Variants in HECW1 observed in about 807,000 individuals in gnomAD.
The protein encoded by HECW1 is E3 ubiquitin-protein ligase HECW1.
HECW1 carries 61 observed loss-of-function variants against 182.3 expected under a neutral mutation model. That is an observed-to-expected ratio of 0.33 (90% CI 0.27 to 0.41). The LOEUF is 0.41. HECW1 is among the 10% of genes least tolerant of loss of function. The probability of loss-of-function intolerance (pLI) is 1.00; values close to 1 mark genes in which losing one functional copy is unlikely to be tolerated. For missense variants in HECW1, 1,739 were observed against 2,108.9 expected, an observed-to-expected ratio of 0.82 and a Z score of 3.44; for synonymous variants, 859 against 832.6, an observed-to-expected ratio of 1.03 and a Z score of -0.55.
intron 2 of HECW1, among the ~76,000 whole-genome samples, chr7:43,188,910 A>T (rs1218182172): frequency 6.6e-6 from 1 of 152,214 alleles, no homozygotes; most frequent in East Asian, 1.9e-4. Context: ...AATATCAATT[A>T]CAATTATAGG....
At chr7:43,521,877 A>C (rs1277881175) in intron 24 of HECW1, among the ~76,000 whole-genome samples, 2 of 152,252 alleles carry the variant, frequency 1.3e-5, no homozygotes, top group Non-Finnish European at 2.9e-5. Context: ...CATCTCAAAA[A>C]TAAACAACAA....
chr7:43,540,215 AT>A (rs1429606315), intron 24 of HECW1, among the ~76,000 whole-genome samples: 3 of 152,244 alleles, frequency 2.0e-5, no homozygotes, highest in African/African-American at 7.2e-5. Context: ...CATAAAAGGC[AT>A]TGGAGATAGA....
intron 2 of HECW1, among the ~76,000 whole-genome samples, chr7:43,225,677 T>G (rs142536404): frequency 3.9e-5 from 6 of 152,340 alleles, no homozygotes; most frequent in Non-Finnish European, 7.3e-5. Context: ...ATGAAACTAT[T>G]CATGCTACCA....
intron 24 of HECW1, among the ~76,000 whole-genome samples, chr7:43,529,618 T>C (rs528737249): frequency 6.6e-6 from 1 of 152,270 alleles, no homozygotes; most frequent in East Asian, 1.9e-4. Flanking sequence ...ATGGAAACAC[T>C]GAGGTGACCA....
At chr7:43,275,409 A>G (rs558581007) in intron 3 of HECW1, among the ~76,000 whole-genome samples, 14 of 152,312 alleles carry the variant, frequency 9.2e-5, no homozygotes, top group African/African-American at 3.4e-4. Context: ...CTAATATAAT[A>G]ATAGTGCTTA....
At chr7:43,173,035 G>C (rs1029121799) in intron 2 of HECW1, among the ~76,000 whole-genome samples, 1 of 152,124 alleles carries the variant, frequency 6.6e-6, no homozygotes, top group Admixed American at 6.5e-5. Flanking sequence ...AGAAGCCTCC[G>C]CGTTCAGACA....
chr7:43,438,671 A>G (rs1204803701), intron 9 of HECW1: 1 of 152,278 alleles, frequency 6.6e-6, no homozygotes, highest in African/African-American at 2.4e-5. Context: ...AGATGCTCAC[A>G]GAATTCAATT....
chr7:43,122,906 C>T (rs532394919), intron 2 of HECW1, among the ~76,000 whole-genome samples: 8 of 152,140 alleles, frequency 5.3e-5, no homozygotes, highest in South Asian at 2.1e-4. Flanking sequence ...AATCATTTTC[C>T]GTTGCTTATT....
Position 43,432,455 on chromosome 7 carries a change from A to G in HECW1, c.802-5548A>G, listed in dbSNP as rs990322298. On this transcript the variant is annotated intron_variant, in intron 8 of 29. Coordinates refer to ENST00000395891, the MANE Select transcript of HECW1 (RefSeq NM_015052.5). This position sits in a 1 kb window ranked among gnomAD's most constrained non-coding sequence, Gnocchi z 4.1. ...CGCCCGGCCCAGTTGTTTATTTTTT[A>G]AGACTCAGTTAAAGCATTATGTTCT... is the stretch of plus-strand genomic sequence containing the variant. Among the ~76,000 whole-genome samples the G allele has an allele frequency of 3.9e-5, 6 of 152,298 alleles. No homozygotes were observed. Among genetic ancestry groups the G allele is most frequent in the African/African-American group, 1.4e-4 (6 of 41,576 alleles).
At chr7:43,458,253 G>A (rs749388726) in intron 13 of HECW1, among the ~76,000 whole-genome samples, 1 of 152,200 alleles carries the variant, frequency 6.6e-6, no homozygotes, top group Non-Finnish European at 1.5e-5. Context: ...GAGAAACAGG[G>A]GAGGGTATCG....
chr7:43,416,144 C>A (rs2075986739), intron 8 of HECW1, among the ~76,000 whole-genome samples: 2 of 150,756 alleles, frequency 1.3e-5, no homozygotes, highest in African/African-American at 4.9e-5. Context: ...TCTGTTTTTT[C>A]CCGATCTTTG....
At chr7:43,156,114 G>T (rs1789853207) in intron 2 of HECW1, among the ~76,000 whole-genome samples, 1 of 152,148 alleles carries the variant, frequency 6.6e-6, no homozygotes, top group Non-Finnish European at 1.5e-5. Flanking sequence ...TCAATAATTG[G>T]AAGTTTTTTA....
At chr7:43,365,235 G>C (rs1462577574) in intron 6 of HECW1, among the ~76,000 whole-genome samples, 1 of 152,260 alleles carries the variant, frequency 6.6e-6, no homozygotes, top group East Asian at 1.9e-4. Context: ...AGGTAAGTGA[G>C]AGTCTTTCAA....
chr7:43,121,921 A>G (rs1477255367), intron 2 of HECW1: 1 of 152,178 alleles, frequency 6.6e-6, no homozygotes, highest in East Asian at 1.9e-4. Flanking sequence ...CGAATGTGAA[A>G]TGAGCTCAAG....
In HECW1 at chr7:43,114,286, G is replaced by A; in HGVS notation, c.-137G>A. 2 of 1,363,964 alleles carry A rather than the reference G, an allele frequency of 1.5e-6. No homozygotes were observed. 84.5% of individuals were successfully genotyped at this position (1,363,964 alleles called of 1,614,324 possible). ...GAGGGCAGATGCCCTACCCGAAAAG[G>A]CCAACCGTTAAAGACCCCGGCAGTG... is the stretch of plus-strand genomic sequence containing the variant. On this transcript the variant is annotated 5_prime_UTR_variant, in exon 2 of 30. Transcript: ENST00000395891.
chr7:43,489,415 T>G (rs1473406073), intron 17 of HECW1, among the ~76,000 whole-genome samples: 2 of 152,254 alleles, frequency 1.3e-5, no homozygotes, highest in Non-Finnish European at 2.9e-5. Context: ...GATTCAATAC[T>G]GCATAGTTTA....
intron 19 of HECW1, among the ~76,000 whole-genome samples, chr7:43,498,008 G>A (rs557052276): frequency 1.2e-4 from 19 of 152,282 alleles, no homozygotes; most frequent in African/African-American, 4.3e-4. Flanking sequence ...GAGTTCTCCC[G>A]ATGGTCAAGG....
chr7:43,270,138 C>T (rs1329472952), intron 3 of HECW1, among the ~76,000 whole-genome samples: 1 of 152,078 alleles, frequency 6.6e-6, no homozygotes, highest in East Asian at 1.9e-4. Context: ...TAATAATAAA[C>T]CATAACAAAT....
In HECW1 at chr7:43,542,017, T is replaced by C. The variant is rs192150470; in HGVS notation, c.4248+19T>C. ...TGGACAGGTTTGTGTGACATGGGGT[T>C]TGGAAAAGGGATTTTGTTTTTTACT... is the stretch of plus-strand genomic sequence containing the variant. On this transcript the variant is annotated intron_variant, in intron 26 of 29. Transcript: ENST00000395891. 72 of 1,472,402 alleles carry C rather than the reference T, an allele frequency of 4.9e-5. No individual in the cohort carries two copies. Among genetic ancestry groups the C allele is most frequent in the Non-Finnish European group, 5.9e-5 (66 of 1,112,834 alleles). The allele number at this position is 1,472,402 out of a possible 1,614,324, so 91.2% of individuals were successfully genotyped here. A position where few individuals can be genotyped will look rare whatever the true frequency, so the allele number is the denominator to read the frequency against.
Sources: allele counts gnomAD v4.1 joint callset (sites outside exome capture counted in the v4.1 genomes callset), GRCh38; gene constraint gnomAD v4.1.1; non-coding constraint Gnocchi (gnomAD v3.1); transcripts MANE v1.5; gene names NCBI Gene and HGNC (gene_info 2026-07-23, HGNC 2026-07-21).